Variants in RUNDC3B observed in about 807,000 individuals in gnomAD.
RUNDC3B encodes RUN domain containing 3B.
In RUNDC3B, 33 loss-of-function variants were observed where a neutral mutation model predicts 58.4. The observed-to-expected ratio is 0.56, with a 90% CI of 0.43 to 0.75. The LOEUF (loss-of-function observed/expected upper bound fraction) is 0.75. Ranked by LOEUF, RUNDC3B falls within the 30% of genes least tolerant of loss-of-function variation. The probability of loss-of-function intolerance (pLI) is 0.00; values close to 1 mark genes in which losing one functional copy is unlikely to be tolerated. For synonymous variants in RUNDC3B, 193 were observed against 195.2 expected (o/e 0.99, Z 0.10); for missense variants, 501 against 535.7 (o/e 0.94, Z 0.64).
chr7:87,798,870 T>C (rs933840636), intron 8 of RUNDC3B, among the ~76,000 whole-genome samples: 4 of 152,220 alleles, frequency 2.6e-5, no homozygotes, highest in Non-Finnish European at 5.9e-5. Context: ...TTTTTGGACA[T>C]CTGTCTCCTT....
chr7:87,739,872 T>TA lies in RUNDC3B; in HGVS notation c.540_541insA (p.Asp181ArgfsTer32). The TA allele has an allele frequency of 6.5e-7, 1 of 1,535,364 alleles. No homozygotes were observed. Among genetic ancestry groups the TA allele is most frequent in the Non-Finnish European group, 8.9e-7 (1 of 1,118,312 alleles). The stretch of plus-strand genomic sequence containing the variant: ...GCATGCTTCTAGGACTCAATGCTAT[T>TA]GATTTCAGGTACTTAACCAAATGCA... On this transcript the variant is annotated frameshift_variant, in exon 5 of 11. Transcript: ENST00000394654. LOFTEE classifies it high-confidence loss of function.
In RUNDC3B at chr7:87,829,318, T is replaced by A. The variant is rs150902559; in HGVS notation, c.1226-567T>A. Among the ~76,000 whole-genome samples, 92 of 152,310 alleles carry A rather than the reference T, an allele frequency of 6.0e-4. 3 individuals carry two copies. The East Asian group carries it at 0.017, about 28-fold the overall frequency. ...GCTGTGCAGAAGCTCTTTAGTTTAA[T>A]TAGGTCCCTCTTGTCAATTTTTGGT... On this transcript the variant is annotated intron_variant, in intron 10 of 10. Coordinates refer to ENST00000394654, the MANE Select transcript of RUNDC3B (RefSeq NM_001134405.2).
intron 1 of RUNDC3B, among the ~76,000 whole-genome samples, chr7:87,636,139 G>T (rs532974968): frequency 8.5e-5 from 13 of 152,278 alleles, no homozygotes; most frequent in African/African-American, 2.9e-4. Context: ...CAGATATTCG[G>T]CTTCAGTAGA....
At chr7:87,703,824 A>T (rs1302308024) in intron 3 of RUNDC3B, among the ~76,000 whole-genome samples, 1 of 102,204 alleles carries the variant, frequency 9.8e-6, no homozygotes, top group Non-Finnish European at 2.0e-5. Flanking sequence ...TGAACTATAG[A>T]TTTTTAAAAT....
intron 2 of RUNDC3B, among the ~76,000 whole-genome samples, chr7:87,693,503 A>AT (rs1347803440): frequency 2.6e-5 from 4 of 152,070 alleles, no homozygotes; most frequent in Non-Finnish European, 4.4e-5. Flanking sequence ...AAAGTGAGTG[A>AT]TTTTTTTTCC....
intron 9 of RUNDC3B, 81 bp downstream of exon 9, chr7:87,807,600 T>TA: frequency 9.9e-7 from 1 of 1,014,054 alleles, no homozygotes; most frequent in East Asian, 2.5e-5. Context: ...GTTTCTCAGT[T>TA]ATTCTTTCTG....
intron 2 of RUNDC3B, among the ~76,000 whole-genome samples, chr7:87,679,756 G>A (rs1274363678): frequency 1.3e-5 from 2 of 149,766 alleles, no homozygotes; most frequent in Non-Finnish European, 3.0e-5. Flanking sequence ...TCTTTTCGAG[G>A]GCAAGTGGAA....
At chr7:87,691,866 G>A (rs2130648724) in intron 2 of RUNDC3B, among the ~76,000 whole-genome samples, 1 of 152,208 alleles carries the variant, frequency 6.6e-6, no homozygotes, top group Admixed American at 6.5e-5. Flanking sequence ...ACCGATTGCT[G>A]GGTCTTGGCA....
At chr7:87,692,159 A>G (rs1013718063) in intron 2 of RUNDC3B, among the ~76,000 whole-genome samples, 3 of 152,136 alleles carry the variant, frequency 2.0e-5, no homozygotes, top group Non-Finnish European at 4.4e-5. Context: ...AAAATAACCA[A>G]CATTATCTAG....
chr7:87,672,135 T>A (rs1308668344), intron 2 of RUNDC3B, among the ~76,000 whole-genome samples: 1 of 152,088 alleles, frequency 6.6e-6, no homozygotes, highest in Non-Finnish European at 1.5e-5. Flanking sequence ...TCTGGGAGCA[T>A]CATCCCAGGG....
At chr7:87,689,327 T>G (rs1042953459) in intron 2 of RUNDC3B, among the ~76,000 whole-genome samples, 2 of 152,080 alleles carry the variant, frequency 1.3e-5, no homozygotes, top group Non-Finnish European at 2.9e-5. Flanking sequence ...TGAGTTTCTG[T>G]CAGAAAATTA....
chr7:87,739,590 G>A (rs1367722783), intron 4 of RUNDC3B, among the ~76,000 whole-genome samples: 1 of 151,958 alleles, frequency 6.6e-6, no homozygotes, highest in Non-Finnish European at 1.5e-5. Context: ...AGTTTCTTCA[G>A]GGATTTGTTG....
At chr7:87,657,471 T>C (rs1210291555) in intron 2 of RUNDC3B, among the ~76,000 whole-genome samples, 5 of 152,156 alleles carry the variant, frequency 3.3e-5, no homozygotes, top group African/African-American at 1.2e-4. Flanking sequence ...AATTCCGCCC[T>C]CCTGAGGCTA....
At chr7:87,719,823 ATAAT>A (rs1830761626) in intron 4 of RUNDC3B, among the ~76,000 whole-genome samples, 1 of 151,770 alleles carries the variant, frequency 6.6e-6, no homozygotes, top group Non-Finnish European at 1.5e-5. Context: ...ATATAAAATA[ATAAT>A]TAAAATAAAT....
chr7:87,750,140 G>GC (rs2130829272), intron 6 of RUNDC3B, among the ~76,000 whole-genome samples: 1 of 150,948 alleles, frequency 6.6e-6, no homozygotes, highest in Admixed American at 6.6e-5. Context: ...TTGGTTTTTT[G>GC]TTCTTGCGAT....
chr7:87,718,488 C>G (rs749941756), intron 4 of RUNDC3B, among the ~76,000 whole-genome samples: 13 of 152,110 alleles, frequency 8.5e-5, no homozygotes, highest in Non-Finnish European at 1.9e-4. Context: ...CTTCCAAAAT[C>G]TAAGTTCTCA....
chr7:87,741,966 A>G (rs1482715453), intron 6 of RUNDC3B, among the ~76,000 whole-genome samples: 4 of 152,224 alleles, frequency 2.6e-5, no homozygotes, highest in Non-Finnish European at 4.4e-5. Context: ...ATGCATATCA[A>G]TTTTCCTTTT....
chr7:87,701,670 G>T (rs981861249), intron 3 of RUNDC3B, among the ~76,000 whole-genome samples: 1 of 151,890 alleles, frequency 6.6e-6, no homozygotes, highest in Non-Finnish European at 1.5e-5. Context: ...TAGAACAAAA[G>T]AAAATATCTA....
At chr7:87,810,470 G>T (rs954831754) in intron 9 of RUNDC3B, among the ~76,000 whole-genome samples, 1 of 152,164 alleles carries the variant, frequency 6.6e-6, no homozygotes, top group African/African-American at 2.4e-5. Context: ...GCTTTGGTTT[G>T]TTTACTAAGT....
Sources: gnomAD v4.1 joint callset for allele counts (sites outside exome capture counted in the v4.1 genomes callset) on GRCh38, gnomAD v4.1.1 for gene constraint, MANE v1.5 for transcripts, NCBI Gene and HGNC (gene_info 2026-07-23, HGNC 2026-07-21) for gene names.